WDPCP: variants seen among roughly 807,000 people sequenced by gnomAD.
The protein encoded by WDPCP is WD repeat-containing and planar cell polarity effector protein fritz homolog.
In WDPCP, 71 loss-of-function variants were observed where a neutral mutation model predicts 93.1. That is an observed-to-expected ratio of 0.76 (90% CI 0.63 to 0.93). The LOEUF (loss-of-function observed/expected upper bound fraction) is 0.93. Ranked by LOEUF, WDPCP falls within the 40% of genes least tolerant of loss-of-function variation. The pLI is 0.00. For synonymous variants in WDPCP, 315 were observed against 315.0 expected (o/e 1.00, Z 0.00); for missense variants, 844 against 887.4 (o/e 0.95, Z 0.62).
chr2:63,679,653 G>A (rs969931836), intron 2 of WDPCP, among the ~76,000 whole-genome samples: 1 of 152,108 alleles, frequency 6.6e-6, no homozygotes, highest in Non-Finnish European at 1.5e-5. Flanking sequence ...AGCAAGCTAG[G>A]CCAGCATTTC....
chr2:63,733,739 A>T (rs1399051678), intron 2 of WDPCP, among the ~76,000 whole-genome samples: 2 of 151,964 alleles, frequency 1.3e-5, no homozygotes, highest in African/African-American at 4.8e-5. Context: ...TTCAATTTGT[A>T]TTTTTTTTAA....
At chr2:63,317,673 C>A (rs1686758244) in intron 12 of WDPCP, among the ~76,000 whole-genome samples, 2 of 152,240 alleles carry the variant, frequency 1.3e-5, no homozygotes, top group South Asian at 4.2e-4. Flanking sequence ...GAAATGACCT[C>A]CTATTTAATA....
chr2:63,725,073 G>A (rs1669478144), intron 2 of WDPCP, among the ~76,000 whole-genome samples: 1 of 152,150 alleles, frequency 6.6e-6, no homozygotes, highest in Admixed American at 6.5e-5. Context: ...TAGGTTCAGA[G>A]GGGACACGTG....
chr2:63,356,649 T>C (rs1690039020), intron 12 of WDPCP, among the ~76,000 whole-genome samples: 2 of 152,040 alleles, frequency 1.3e-5, no homozygotes, highest in African/African-American at 2.4e-5. Context: ...TACATGGAAA[T>C]TAAAAAATAT....
At chr2:63,233,310 C>A in intron 14 of WDPCP, 1 of 264,082 alleles carries the variant, frequency 3.8e-6, no homozygotes, top group Non-Finnish European at 7.3e-6. Context: ...ATTAAAAAAT[C>A]AGAGCTAGCT....
intron 1 of WDPCP, among the ~76,000 whole-genome samples, chr2:63,543,211 T>A (rs1246298315): frequency 3.3e-5 from 5 of 152,136 alleles, no homozygotes; most frequent in African/African-American, 9.6e-5. Flanking sequence ...TTTGTATGAC[T>A]CTGCATCTGA....
In WDPCP at chr2:63,651,470, C is replaced by CACACACAT. The variant is rs374360770; in HGVS notation, n.309-633_309-632insATGTGTGT. 1.2e-3 allele frequency among the ~76,000 whole-genome samples: 187 copies of CACACACAT among 151,850 alleles called. 1 individual carries two copies. The highest frequency in any genetic ancestry group is 4.2e-3 in the African/African-American group (172 of 41,338). ...TGTGTGTACAACACACACACACACACACAGAGAGACTTATTTTAAGAAATA... is the reference window on the plus strand; with the variant it reads ...TGTGTGTACAACACACACACACACACACACACATACAGAGAGACTTATTTTAAGAAATA... On this transcript the variant is annotated intron_variant and non_coding_transcript_variant, in intron 2 of 4. Transcript: ENST00000467687.
chr2:63,669,256 C>T (rs193263604), intron 2 of WDPCP, among the ~76,000 whole-genome samples: 172 of 152,288 alleles, frequency 1.1e-3, no homozygotes, highest in African/African-American at 4.0e-3. Context: ...CAGCTAAAGT[C>T]TGCAGAGTAC....
chr2:63,419,053 G>A (rs1228723395), intron 9 of WDPCP, among the ~76,000 whole-genome samples: 1 of 152,216 alleles, frequency 6.6e-6, no homozygotes, highest in Non-Finnish European at 1.5e-5. Flanking sequence ...CTAACAAAGA[G>A]TAGAAAAGAT....
At chr2:63,183,925 G>A (rs1441517920) in intron 14 of WDPCP, among the ~76,000 whole-genome samples, 1 of 151,886 alleles carries the variant, frequency 6.6e-6, no homozygotes, top group Non-Finnish European at 1.5e-5. Context: ...TGTTTTATCT[G>A]ATATAAGCGT....
chr2:63,346,980 A>G (rs1301615438), intron 12 of WDPCP, among the ~76,000 whole-genome samples: 1 of 152,162 alleles, frequency 6.6e-6, no homozygotes, highest in East Asian at 1.9e-4. Context: ...ATAATTGTCT[A>G]TGGCAAGAGG....
intron 3 of WDPCP, chr2:63,605,243 C>T (rs1272182975): frequency 2.2e-6 from 3 of 1,366,432 alleles, no homozygotes; most frequent in Non-Finnish European, 3.1e-6. Flanking sequence ...CTATCATGAC[C>T]AAGTAATACT....
chr2:63,708,751 C>T (rs578018543), intron 2 of WDPCP, among the ~76,000 whole-genome samples: 1 of 152,146 alleles, frequency 6.6e-6, no homozygotes, highest in Admixed American at 6.5e-5. Flanking sequence ...TCCCATTTGG[C>T]CATCTTGGCT....
chr2:63,414,712 G>C (rs1261646953), intron 9 of WDPCP, among the ~76,000 whole-genome samples: 1 of 152,172 alleles, frequency 6.6e-6, no homozygotes, highest in Non-Finnish European at 1.5e-5. Flanking sequence ...ACAAAGGACT[G>C]TGGGGACTTG....
chr2:63,221,856 A>AT (rs1459034283), intron 14 of WDPCP, among the ~76,000 whole-genome samples: 26 of 152,248 alleles, frequency 1.7e-4, no homozygotes, highest in African/African-American at 5.8e-4. Flanking sequence ...AAAACCTTGT[A>AT]TTTTTTTGAG....
At chr2:63,827,622 A>G (rs1427705908) in exon 1 of WDPCP, 16 of 152,230 alleles carry the variant, frequency 1.1e-4, no homozygotes. Flanking sequence ...ATTGGCTTAC[A>G]TAATTTAAAA....
intron 13 of WDPCP, among the ~76,000 whole-genome samples, chr2:63,271,923 T>C (rs1682691567): frequency 6.6e-6 from 1 of 152,068 alleles, no homozygotes; most frequent in East Asian, 1.9e-4. Context: ...AGCCTCTAGG[T>C]TGTCCCAACA....
chr2:63,368,297 AATTTATTTATTTATTT>A (rs201098167), intron 12 of WDPCP, among the ~76,000 whole-genome samples: 3,232 of 147,086 alleles, frequency 0.022, 83 homozygotes, highest in African/African-American at 0.06. Flanking sequence ...GTTTATTTTT[AATTTATTTATTTATTT>A]ATTTATTTAT....
chr2:63,197,656 T>C (rs1340976041), intron 14 of WDPCP, among the ~76,000 whole-genome samples: 3 of 152,244 alleles, frequency 2.0e-5, no homozygotes, highest in African/African-American at 4.8e-5. Context: ...ACATTATTTA[T>C]TATGGAAATT....
Sources: gnomAD v4.1 joint callset for allele counts (sites outside exome capture counted in the v4.1 genomes callset) on GRCh38, gnomAD v4.1.1 for gene constraint, MANE v1.5 for transcripts, NCBI Gene and HGNC (gene_info 2026-07-23, HGNC 2026-07-21) for gene names.